PRELID2: variants seen among roughly 807,000 people sequenced by gnomAD.
PRELID2 encodes PRELI domain-containing protein 2.
A neutral mutation model predicts 28.4 loss-of-function variants in PRELID2; 25 were observed. The ratio of observed to expected loss-of-function variants is 0.88; its 90% CI spans 0.64 to 1.23. PRELID2 has a LOEUF of 1.23. PRELID2 is among the 50% of genes most tolerant of loss of function. PRELID2 has a pLI of 0.00. For missense variants in PRELID2, 201 were observed against 214.4 expected, an observed-to-expected ratio of 0.94 and a Z score of 0.39; for synonymous variants, 76 against 71.6, an observed-to-expected ratio of 1.06 and a Z score of -0.31.
the PRELID2 span, among the ~76,000 whole-genome samples, chr5:145,423,473 C>T: frequency 1.3e-5 from 2 of 152,014 alleles, no homozygotes; most frequent in Non-Finnish European, 2.9e-5. Context: ...CTTCTCACTT[C>T]ATTTCATTCA....
intron 5 of PRELID2, among the ~76,000 whole-genome samples, chr5:145,770,454 T>C (rs552575645): frequency 1.3e-5 from 2 of 152,242 alleles, no homozygotes; most frequent in Admixed American, 6.5e-5. Context: ...CAGTGAACTA[T>C]GATTATGCCA....
chr5:145,303,961 A>T, the PRELID2 span, among the ~76,000 whole-genome samples: 3 of 152,190 alleles, frequency 2.0e-5, no homozygotes, highest in African/African-American at 4.8e-5. Flanking sequence ...AGTATGATAG[A>T]ATCGGTGAAA....
intron 1 of PRELID2, among the ~76,000 whole-genome samples, chr5:145,708,553 T>A (rs1305945005): frequency 1.3e-5 from 2 of 152,202 alleles, no homozygotes; most frequent in African/African-American, 2.4e-5. Context: ...AAGCATTATT[T>A]TTGTAGGAAA....
At chr5:145,740,603 ATTATATATATAAATATATATATATT>A (rs1756650212) in intron 1 of PRELID2, among the ~76,000 whole-genome samples, 1 of 4,358 alleles carries the variant, frequency 2.3e-4, no homozygotes, top group African/African-American at 4.4e-4. Context: ...ATATATATAT[ATTATATATATAAATATATATATATT>A]ATATATATAA....
intron 5 of PRELID2, among the ~76,000 whole-genome samples, chr5:145,771,723 C>T (rs564239505): frequency 7.9e-5 from 12 of 152,034 alleles, no homozygotes; most frequent in African/African-American, 2.4e-4. Context: ...GGTGTGGTGA[C>T]GCATGCCTGT....
intron 6 of PRELID2, 53 bp downstream of exon 6, chr5:145,764,878 A>C: frequency 7.6e-7 from 1 of 1,322,558 alleles, no homozygotes; most frequent in East Asian, 2.3e-5. Context: ...CAGGCTGATA[A>C]GCATGAAAAT....
chr5:145,527,146 A>G (rs1281778335), intron 1 of PRELID2, among the ~76,000 whole-genome samples: 1 of 152,212 alleles, frequency 6.6e-6, no homozygotes, highest in African/African-American at 2.4e-5. Flanking sequence ...TGTGTCTATA[A>G]AAGGGTGGCA....
intron 1 of PRELID2, among the ~76,000 whole-genome samples, chr5:145,510,458 A>G (rs1190898041): frequency 6.6e-6 from 1 of 152,190 alleles, no homozygotes; most frequent in Non-Finnish European, 1.5e-5. Flanking sequence ...AAGAGGCCTC[A>G]GAGGGGGAGG....
chr5:145,809,038 T>C (rs77526822), intron 4 of PRELID2, among the ~76,000 whole-genome samples: 1 of 141,294 alleles, frequency 7.1e-6, no homozygotes, highest in Non-Finnish European at 1.5e-5. Flanking sequence ...TTTTTTTGCT[T>C]TTTTTTTTTT....
At chr5:145,627,097 C>CA (rs745309247) in intron 1 of PRELID2, among the ~76,000 whole-genome samples, 7 of 41,826 alleles carry the variant, frequency 1.7e-4, no homozygotes, top group Non-Finnish European at 2.3e-4. Context: ...AAGACTCTCC[C>CA]AAAAAAAAAA....
the PRELID2 span, among the ~76,000 whole-genome samples, chr5:145,395,806 C>G: frequency 2.0e-5 from 3 of 152,084 alleles, no homozygotes; most frequent in African/African-American, 7.2e-5. Context: ...AGTCATGGAG[C>G]CTGGACCCCA....
At chr5:145,239,278 G>A in the PRELID2 span, among the ~76,000 whole-genome samples, 5 of 151,996 alleles carry the variant, frequency 3.3e-5, no homozygotes, top group African/African-American at 9.7e-5. Flanking sequence ...GTTAAAAAGG[G>A]GCAAAAGAAT....
chr5:145,581,826 G>T (rs1753110222), intron 1 of PRELID2, among the ~76,000 whole-genome samples: 1 of 152,024 alleles, frequency 6.6e-6, no homozygotes, highest in Non-Finnish European at 1.5e-5. Context: ...ACCACATAGT[G>T]AGGGAAAACA....
the PRELID2 span, among the ~76,000 whole-genome samples, chr5:145,429,516 T>C: frequency 6.6e-6 from 1 of 152,064 alleles, no homozygotes; most frequent in African/African-American, 2.4e-5. Context: ...GCAGTTGGTT[T>C]TATGGAAAGA....
the PRELID2 span, among the ~76,000 whole-genome samples, chr5:145,419,729 G>C: frequency 2.0e-5 from 3 of 152,032 alleles, no homozygotes; most frequent in Non-Finnish European, 4.4e-5. Flanking sequence ...AAGCTCTTTA[G>C]TTTAATTAGA....
chr5:145,288,477 A>G, the PRELID2 span, among the ~76,000 whole-genome samples: 1 of 152,110 alleles, frequency 6.6e-6, no homozygotes, highest in Admixed American at 6.5e-5. Flanking sequence ...TGACAATATA[A>G]GGTGATCCAA....
At chr5:145,735,796 G>C (rs1220023272) in intron 1 of PRELID2, among the ~76,000 whole-genome samples, 1 of 152,164 alleles carries the variant, frequency 6.6e-6, no homozygotes, top group Non-Finnish European at 1.5e-5. Context: ...GATAAGGCAT[G>C]TGGAAGTGCT....
the PRELID2 span, among the ~76,000 whole-genome samples, chr5:145,384,079 T>C: frequency 1.4e-4 from 21 of 152,120 alleles, no homozygotes; most frequent in African/African-American, 5.1e-4. Flanking sequence ...TCATTAACCT[T>C]TGAGTAAGTG....
the PRELID2 span, among the ~76,000 whole-genome samples, chr5:145,255,431 T>A: frequency 1.3e-5 from 2 of 152,058 alleles, no homozygotes; most frequent in Admixed American, 6.6e-5. Flanking sequence ...TGAAAATATT[T>A]TTTAAATGAT....
Sources: gnomAD v4.1 joint callset for allele counts (sites outside exome capture counted in the v4.1 genomes callset) on GRCh38, gnomAD v4.1.1 for gene constraint, MANE v1.5 for transcripts, NCBI Gene and HGNC (gene_info 2026-07-23, HGNC 2026-07-21) for gene names.